ZNF689: variants seen among roughly 807,000 people sequenced by gnomAD.
The protein encoded by ZNF689 is short ORF-encoded histone-binding protein.
In ZNF689, 14 loss-of-function variants were observed where a neutral mutation model predicts 37.2. That is an observed-to-expected ratio of 0.38 (90% CI 0.25 to 0.59). The LOEUF (loss-of-function observed/expected upper bound fraction) is 0.59. Among genes scored for constraint, ZNF689 ranks in the 20% least tolerant of loss-of-function variants. The pLI is 0.68. For missense variants in ZNF689, 573 were observed against 700.2 expected, an observed-to-expected ratio of 0.82 and a Z score of 2.05; for synonymous variants, 277 against 283.3, an observed-to-expected ratio of 0.98 and a Z score of 0.22.
chr16:30,609,268 A>G (rs1388598280), intron 2 of ZNF689, among the ~76,000 whole-genome samples: 1 of 76,130 alleles, frequency 1.3e-5, no homozygotes, highest in Non-Finnish European at 2.7e-5. Flanking sequence ...ATGTTTCTAC[A>G]AAAAAAAAAA....
At chr16:30,607,613 A>G (rs936293595) in intron 2 of ZNF689, among the ~76,000 whole-genome samples, 3 of 151,940 alleles carry the variant, frequency 2.0e-5, no homozygotes, top group Non-Finnish European at 2.9e-5. Context: ...GAAAAGAAAC[A>G]TAAGTCCCAA....
In ZNF689 at chr16:30,605,544, C is replaced by T; in HGVS notation, c.320-97G>A. On this transcript the variant is annotated intron_variant, in intron 2 of 2. Transcript: ENST00000287461. This position sits in a 1 kb window ranked among gnomAD's most constrained non-coding sequence, Gnocchi z 5.1. ...AAGACCAATAGACTCACCCCCTGGT[C>T]TCAATTCCTAGTGCCACAGACAGCT... 1.5e-6 allele frequency: 2 copies of T among 1,290,404 alleles called. No individual in the cohort carries two copies. Among genetic ancestry groups the T allele is most frequent in the Non-Finnish European group, 2.1e-6 (2 of 934,492 alleles). 79.9% of individuals were successfully genotyped at this position (1,290,404 alleles called of 1,614,324 possible).
Position 30,604,471 on chromosome 16 carries a change from G to C in ZNF689, c.1296C>G (p.Asp432Glu). The part of the protein sequence containing the change: ...VHSGERPYAC[D>E]LCSKRFAQWS... ...ACTGAGCAAAACGCTTGGAGCAAAG[G>C]TCGCAGGCATAGGGCCGCTCGCCCG... Residue 432 changes from aspartate to glutamate, a missense_variant, in exon 3 of 3, where the codon GAC becomes GAG. Physicochemically the swap from Asp to Glu is conservative, Grantham distance 45 (BLOSUM62 2). This residue lies in a region of ZNF689 where 317 missense variants were observed against 367.1 expected (regional missense o/e 0.86). Coordinates refer to ENST00000287461, the MANE Select transcript of ZNF689 (RefSeq NM_138447.3). This position sits in a 1 kb window ranked among gnomAD's most constrained non-coding sequence, Gnocchi z 5.2. 1 of 1,609,348 alleles carries C rather than the reference G, an allele frequency of 6.2e-7. No individual in the cohort carries two copies. Among genetic ancestry groups the C allele is most frequent in the Non-Finnish European group, 8.5e-7 (1 of 1,177,944 alleles).
chr16:30,604,980 A>C lies in ZNF689; in HGVS notation c.787T>G (p.Cys263Gly). Residue 263 changes from cysteine to glycine, a missense_variant, in exon 3 of 3, where the codon TGC becomes GGC. Cys to Gly is a radical substitution (Grantham distance 159, BLOSUM62 -3). This residue lies in a region of ZNF689 where 317 missense variants were observed against 367.1 expected (regional missense o/e 0.86). Coordinates refer to ENST00000287461, the MANE Select transcript of ZNF689 (RefSeq NM_138447.3). The surrounding 1 kb of genome is among the most constrained non-coding windows in gnomAD (Gnocchi z 5.2). The stretch of plus-strand genomic sequence containing the variant: ...GCGAAGCGACGTCCACAGCTAGGGC[A>C]CTGGTGGGGTTTTTCACCTGTGTGT... ...TTHTGEKPHQ[C>G]PSCGRRFAYP... 1 of 1,593,266 alleles carries C rather than the reference A, an allele frequency of 6.3e-7. No individual in the cohort carries two copies. Among genetic ancestry groups the C allele is most frequent in the South Asian group, 1.1e-5 (1 of 87,548 alleles).
rs2052025217 is a variant in ZNF689 at position 30,605,293 on chromosome 16, G to A, written c.474C>T (p.Phe158=). 1.9e-6 allele frequency: 3 copies of A among 1,611,296 alleles called. No homozygotes were observed. The South Asian group carries it at 3.3e-5, about 18-fold the overall frequency. ...GPICPDCGCT[F]PDHQALESHK... ...GGCTCTCCAGGGCCTGATGATCAGGGAAGGTACAGCCGCAGTCAGGGCAGA... is the reference window on the plus strand; with the variant it reads ...GGCTCTCCAGGGCCTGATGATCAGGAAAGGTACAGCCGCAGTCAGGGCAGA... Residue 158 remains phenylalanine, a synonymous_variant, in exon 3 of 3, where the codon TTC becomes TTT. Coordinates refer to ENST00000287461, the MANE Select transcript of ZNF689 (RefSeq NM_138447.3). This position sits in a 1 kb window ranked among gnomAD's most constrained non-coding sequence, Gnocchi z 5.1.
rs553040971 is a variant in ZNF689 at position 30,604,663 on chromosome 16, G to C, written c.1104C>G (p.Thr368=). Residue 368 remains threonine (T), a synonymous_variant, in exon 3 of 3, where the codon ACC becomes ACG. Coordinates refer to ENST00000287461, the MANE Select transcript of ZNF689 (RefSeq NM_138447.3). The surrounding 1 kb of genome is among the most constrained non-coding windows in gnomAD (Gnocchi z 5.2). ...CTGGGCAGGGGTAGGGCTTCTCTCC[G>C]GTGTGCAAGAGCTGGTGCTGGAGCA... The part of the protein sequence containing the change: ...STLLQHQLLH[T]GEKPYPCPDC... 3 of 1,608,796 alleles carry C rather than the reference G, an allele frequency of 1.9e-6. No homozygotes were observed. The highest frequency in any genetic ancestry group is 2.5e-6 in the Non-Finnish European group (3 of 1,178,798).
rs1350875716 is a variant in ZNF689 at position 30,609,377 on chromosome 16, C to T, written c.319+148G>A. The T allele has an allele frequency of 4.7e-6, 3 of 639,990 alleles. No individual in the cohort carries two copies. In the African/African-American group the frequency reaches 5.5e-5, roughly 12 times the overall value. The allele number at this position is 639,990 out of a possible 1,614,324, so 39.6% of individuals were successfully genotyped here. On this transcript the variant is annotated intron_variant, in intron 2 of 2. Coordinates refer to ENST00000287461, the MANE Select transcript of ZNF689 (RefSeq NM_138447.3). ...AGGAATCTCTGTGTGGTGGACCGGC[C>T]CCACACCACCAGACACAAGAGGCTG...
At position 30,604,491 on chromosome 16, in the gene ZNF689, C is replaced by T. The variant is rs1216496700; in HGVS notation, c.1276G>A (p.Glu426Lys). The part of the protein sequence containing the change: ...LASHRRVHSG[E>K]RPYACDLCSK... The stretch of plus-strand genomic sequence containing the variant: ...CAAAGGTCGCAGGCATAGGGCCGCT[C>T]GCCCGAGTGCACGCGCCGGTGGCTG... Residue 426 changes from glutamate to lysine, a missense_variant, in exon 3 of 3, where the codon GAG becomes AAG. Physicochemically the swap from Glu to Lys is moderately conservative, Grantham distance 56. This residue lies in a region of ZNF689 where 317 missense variants were observed against 367.1 expected (regional missense o/e 0.86). Transcript: ENST00000287461. The surrounding 1 kb of genome is among the most constrained non-coding windows in gnomAD (Gnocchi z 5.2). The T allele has an allele frequency of 6.2e-7, 1 of 1,602,184 alleles. No homozygotes were observed. The highest frequency in any genetic ancestry group is 2.3e-5 in the East Asian group (1 of 44,302).
At chr16:30,606,025 A>G (rs959767957) in intron 2 of ZNF689, among the ~76,000 whole-genome samples, 3 of 152,036 alleles carry the variant, frequency 2.0e-5, no homozygotes, top group Non-Finnish European at 4.4e-5. Context: ...TCAGCCAGGC[A>G]TGGTTGCTCA....
In ZNF689 at chr16:30,604,162, C is replaced by A. The variant is rs577606801; in HGVS notation, c.*102G>T. The A allele has an allele frequency of 1.6e-6, 2 of 1,277,388 alleles. No individual in the cohort carries two copies. Among genetic ancestry groups the A allele is most frequent in the South Asian group, 1.3e-5 (1 of 79,462 alleles). 79.1% of individuals were successfully genotyped at this position (1,277,388 alleles called of 1,614,324 possible). A position where few individuals can be genotyped will look rare whatever the true frequency, so the allele number is the denominator to read the frequency against. On this transcript the variant is annotated 3_prime_UTR_variant, in exon 3 of 3. Coordinates refer to ENST00000287461, the MANE Select transcript of ZNF689 (RefSeq NM_138447.3). The surrounding 1 kb of genome is among the most constrained non-coding windows in gnomAD (Gnocchi z 5.2). ...AAGTTCAGCTCTGTGCAGCAGGAGA[C>A]CCGGGTTTAGTTCTGACTCTGCCCT...
At position 30,605,579 on chromosome 16, in the gene ZNF689, A is replaced by G; in HGVS notation, c.320-132T>C. 1 of 907,440 alleles carries G rather than the reference A, an allele frequency of 1.1e-6. No homozygotes were observed. The highest frequency in any genetic ancestry group is 1.6e-6 in the Non-Finnish European group (1 of 606,090). 56.2% of individuals were successfully genotyped at this position (907,440 alleles called of 1,614,324 possible). On this transcript the variant is annotated intron_variant, in intron 2 of 2. Coordinates refer to ENST00000287461, the MANE Select transcript of ZNF689 (RefSeq NM_138447.3). The surrounding 1 kb of genome is among the most constrained non-coding windows in gnomAD (Gnocchi z 5.1). ...AGTGCCACAGACAGCTAAGTGTGACATACTGTCATGCAAATACGGTGTGCA... is the reference window on the plus strand; with the variant it reads ...AGTGCCACAGACAGCTAAGTGTGACGTACTGTCATGCAAATACGGTGTGCA...
At position 30,605,272 on chromosome 16, in the gene ZNF689, C is replaced by T. The variant is rs2052024942; in HGVS notation, c.495G>A (p.Glu165=). 1.2e-6 allele frequency: 2 copies of T among 1,611,118 alleles called. No individual in the cohort carries two copies. The highest frequency in any genetic ancestry group is 8.5e-7 in the Non-Finnish European group (1 of 1,178,024). The change falls in exon 3 of 3, where the codon GAG becomes GAA. Residue 165 remains glutamate (E), a synonymous_variant. Transcript: ENST00000287461. The surrounding 1 kb of genome is among the most constrained non-coding windows in gnomAD (Gnocchi z 5.1). The part of the protein sequence containing the change: ...GCTFPDHQAL[E]SHKCAQNLKK... Reference sequence around the variant, plus strand: ...TTAGATTCTGGGCGCACTTGTGGCTCTCCAGGGCCTGATGATCAGGGAAGG... The same window carrying T: ...TTAGATTCTGGGCGCACTTGTGGCTTTCCAGGGCCTGATGATCAGGGAAGG...
Position 30,605,069 on chromosome 16 carries a change from T to C in ZNF689, c.698A>G (p.Tyr233Cys). 1 of 1,613,940 alleles carries C rather than the reference T, an allele frequency of 6.2e-7. No homozygotes were observed. The highest frequency in any genetic ancestry group is 8.5e-7 in the Non-Finnish European group (1 of 1,179,932). ...GCAGCGACCACAGTCAGGGCAGTGA[T>C]AGGGCTTCTCCCCTGTATGGATGAC... ...HQVIHTGEKP[Y>C]HCPDCGRCFR... The change falls in exon 3 of 3, where the codon TAT (tyrosine) becomes TGT (cysteine). Residue 233 changes from tyrosine to cysteine, a missense_variant. Physicochemically the swap from Tyr to Cys is radical, Grantham distance 194. Coordinates refer to ENST00000287461, the MANE Select transcript of ZNF689 (RefSeq NM_138447.3). This position sits in a 1 kb window ranked among gnomAD's most constrained non-coding sequence, Gnocchi z 5.1.
At position 30,610,148 on chromosome 16, in the gene ZNF689, G is replaced by T; in HGVS notation, c.-107C>A. ...CCCTGCCGGACCAGGGCTGAGCGTGGCCGGGGAGGCCCGGAGGGAATCGGA... is the reference window on the plus strand; with the variant it reads ...CCCTGCCGGACCAGGGCTGAGCGTGTCCGGGGAGGCCCGGAGGGAATCGGA... On this transcript the variant is annotated 5_prime_UTR_variant, in exon 1 of 3. Transcript: ENST00000287461. 7.6e-7 allele frequency: 1 copy of T among 1,324,358 alleles called. No individual in the cohort carries two copies. The highest frequency in any genetic ancestry group is 1.0e-6 in the Non-Finnish European group (1 of 992,352). The allele number at this position is 1,324,358 out of a possible 1,614,324, so 82.0% of individuals were successfully genotyped here.
upstream of ZNF689, chr16:30,610,571 A>C (rs2052088128): frequency 6.4e-6 from 1 of 156,384 alleles, no homozygotes; most frequent in South Asian, 1.8e-4. Context: ...AGGAGTTGTG[A>C]AGCGACTTGC....
rs1192754714 is a variant in ZNF689 at position 30,604,926 on chromosome 16, G to A, written c.841C>T (p.Arg281Cys). 5.1e-6 allele frequency: 8 copies of A among 1,574,494 alleles called. No homozygotes were observed. Among genetic ancestry groups the A allele is most frequent in the Non-Finnish European group, 5.2e-6 (6 of 1,159,160 alleles). ...TAGGGCTTCTCTCCCGTGTGTGTAC[G>A]CTGGTGGATGGCTAGCAGGGAGGGG... ...AYPSLLAIHQ[R>C]THTGEKPYTC... Residue 281 changes from arginine to cysteine, a missense_variant, in exon 3 of 3, where the codon CGT becomes TGT. This residue lies in a region of ZNF689 where 317 missense variants were observed against 367.1 expected (regional missense o/e 0.86). Coordinates refer to ENST00000287461, the MANE Select transcript of ZNF689 (RefSeq NM_138447.3). The surrounding 1 kb of genome is among the most constrained non-coding windows in gnomAD (Gnocchi z 5.2).
chr16:30,604,038 A>C lies in ZNF689; in HGVS notation c.*226T>G, dbSNP rs768536598. The C allele has an allele frequency of 2.2e-5, 15 of 694,636 alleles. No individual in the cohort carries two copies. In the South Asian group the frequency reaches 2.2e-4, roughly 10 times the overall value. The allele number at this position is 694,636 out of a possible 1,614,324, so 43.0% of individuals were successfully genotyped here. On this transcript the variant is annotated 3_prime_UTR_variant, in exon 3 of 3. Coordinates refer to ENST00000287461, the MANE Select transcript of ZNF689 (RefSeq NM_138447.3). The surrounding 1 kb of genome is among the most constrained non-coding windows in gnomAD (Gnocchi z 5.2). ...TGATATCCACACAAACTATTTTAGG[A>C]TAGGGTAGCTTGGAAAACTTTAAGC...
chr16:30,606,390 T>G (rs2052036564), intron 2 of ZNF689, among the ~76,000 whole-genome samples: 2 of 152,198 alleles, frequency 1.3e-5, no homozygotes, highest in Non-Finnish European at 2.9e-5. Context: ...GAAACCATAT[T>G]AGTTTTTTCC....
In ZNF689 at chr16:30,610,256, G is replaced by A. The variant is rs555307251; in HGVS notation, c.-215C>T. ...CGAACTTGGGTGAAAGGCACCGGAAGATGCCTTCGGGGAAAATGGCGGCGC... is the reference window on the plus strand; with the variant it reads ...CGAACTTGGGTGAAAGGCACCGGAAAATGCCTTCGGGGAAAATGGCGGCGC... On this transcript the variant is annotated 5_prime_UTR_variant, in exon 1 of 3. Transcript: ENST00000287461. 8.4e-6 allele frequency: 5 copies of A among 595,900 alleles called. No homozygotes were observed. In the South Asian group the frequency reaches 9.0e-5, roughly 11 times the overall value. 36.9% of individuals were successfully genotyped at this position (595,900 alleles called of 1,614,324 possible).
Sources: gnomAD v4.1 joint callset for allele counts (sites outside exome capture counted in the v4.1 genomes callset) on GRCh38, gnomAD v4.1.1 for gene constraint, gnomAD v4.1.1 regional missense constraint, Gnocchi (gnomAD v3.1) non-coding constraint, MANE v1.5 for transcripts, NCBI Gene and HGNC (gene_info 2026-07-23, HGNC 2026-07-21) for gene names.